SMOX: variants seen among roughly 807,000 people sequenced by gnomAD.
The protein encoded by SMOX is spermine oxidase.
A neutral mutation model predicts 51.0 loss-of-function variants in SMOX; 22 were observed. The ratio of observed to expected loss-of-function variants is 0.43; its 90% CI spans 0.31 to 0.62. The LOEUF (loss-of-function observed/expected upper bound fraction) is 0.62. Ranked by LOEUF, SMOX falls within the 20% of genes least tolerant of loss-of-function variation. The probability of loss-of-function intolerance (pLI) is 0.10; values close to 1 mark genes in which losing one functional copy is unlikely to be tolerated. For missense variants in SMOX, 566 were observed against 777.7 expected (o/e 0.73, Z 3.24); for synonymous variants, 282 against 307.8 (o/e 0.92, Z 0.88).
At chr20:4,178,964 T>G (rs1283653479) in intron 3 of SMOX, among the ~76,000 whole-genome samples, 1 of 152,200 alleles carries the variant, frequency 6.6e-6, no homozygotes. Flanking sequence ...ATTACAAGCG[T>G]GAGCCACCTC....
In SMOX at chr20:4,166,717, C is replaced by CG. The variant is rs557555252; in HGVS notation, c.-26-8308dup. On this transcript the variant is annotated intron_variant, in intron 1 of 6. Coordinates refer to ENST00000305958, the MANE Select transcript of SMOX (RefSeq NM_175839.3). This position sits in a 1 kb window ranked among gnomAD's most constrained non-coding sequence, Gnocchi z 4.2. ...ATGGCCCCAGAGTGCTCACCTCTCC[C>CG]GGGGGCCTCCCGCTCTTGCCTCCCA... Among the ~76,000 whole-genome samples the CG allele has an allele frequency of 7.2e-5, 11 of 152,318 alleles. 1 individual carries two copies. Among genetic ancestry groups the CG allele is most frequent in the African/African-American group, 2.6e-4 (11 of 41,566 alleles).
At chr20:4,186,028 A>G (rs1490953620) in intron 6 of SMOX, among the ~76,000 whole-genome samples, 1 of 152,200 alleles carries the variant, frequency 6.6e-6, no homozygotes, top group African/African-American at 2.4e-5. Flanking sequence ...CTGGCCAGGG[A>G]TGCAGGCTCC....
rs1232872923 is a variant in SMOX, at chr20:4,150,825, T to C, written c.-27+1848T>C. Reference sequence around the variant, plus strand: ...AGTGAATCGCCCATCATCTACTCACTTTTTTTTTTTTTTTTTTTTCTTTGA... The same window carrying C: ...AGTGAATCGCCCATCATCTACTCACCTTTTTTTTTTTTTTTTTTTCTTTGA... On this transcript the variant is annotated intron_variant, in intron 1 of 6. Transcript: ENST00000305958. 1.2e-4 allele frequency among the ~76,000 whole-genome samples: 6 copies of C among 48,476 alleles called. No individual in the cohort carries two copies. In the South Asian group the frequency reaches 2.3e-3, roughly 19 times the overall value. The allele number at this position is 48,476 out of a possible 152,430, so 31.8% of individuals were successfully genotyped here. A position where few individuals can be genotyped will look rare whatever the true frequency, so the allele number is the denominator to read the frequency against.
At position 4,182,868 on chromosome 20, in the gene SMOX, A is replaced by G; in HGVS notation, c.1369+20A>G. The G allele has an allele frequency of 1.9e-6, 3 of 1,588,730 alleles. No homozygotes were observed. The African/African-American group carries it at 4.0e-5, about 21-fold the overall frequency. On this transcript the variant is annotated intron_variant, in intron 5 of 6. Coordinates refer to ENST00000305958, the MANE Select transcript of SMOX (RefSeq NM_175839.3). The surrounding 1 kb of genome is among the most constrained non-coding windows in gnomAD (Gnocchi z 8.4). ...TCACAGGTGCGCCACGTGCCCCACG[A>G]CCCGCTTCCCCCACCCTGCTTCTTC...
chr20:4,187,366 C>G lies in SMOX; in HGVS notation c.1627C>G (p.Leu543Val). The G allele has an allele frequency of 6.2e-7, 1 of 1,614,228 alleles. No homozygotes were observed. The highest frequency in any genetic ancestry group is 2.2e-5 in the East Asian group (1 of 44,884). ...GTCCGGCCAGCGTGAGGCTGCCCGC[C>G]TCATTGAGATGTACCGAGACCTCTT... ...LLSGQREAARLIEMYRDLFQQ... is the reference protein window; with the variant it reads ...LLSGQREAARVIEMYRDLFQQ... Residue 543 changes from leucine (L) to valine (V), a missense_variant, in exon 7 of 7, where the codon CTC becomes GTC. Leu to Val is a conservative substitution (Grantham distance 32). This residue lies in a region of SMOX where 347 missense variants were observed against 481.8 expected (regional missense o/e 0.72). Transcript: ENST00000305958. This position sits in a 1 kb window ranked among gnomAD's most constrained non-coding sequence, Gnocchi z 4.8.
Position 4,149,490 on chromosome 20 carries a change from G to C in SMOX, c.-27+513G>C, listed in dbSNP as rs1333630480. On this transcript the variant is annotated intron_variant, in intron 1 of 6. Coordinates refer to ENST00000305958, the MANE Select transcript of SMOX (RefSeq NM_175839.3). The surrounding 1 kb of genome is among the most constrained non-coding windows in gnomAD (Gnocchi z 6.0). ...GAGGCTGTGCTGACTTCCCCCTCTGGGCTCCGGGCGTCCGGGTGGTCCCCT... is the reference window on the plus strand; with the variant it reads ...GAGGCTGTGCTGACTTCCCCCTCTGCGCTCCGGGCGTCCGGGTGGTCCCCT... Among the ~76,000 whole-genome samples, 1 of 151,934 alleles carries C rather than the reference G, an allele frequency of 6.6e-6. No individual in the cohort carries two copies. The highest frequency in any genetic ancestry group is 1.5e-5 in the Non-Finnish European group (1 of 67,910).
chr20:4,176,629 T>C (rs1978876228), intron 2 of SMOX, among the ~76,000 whole-genome samples: 1 of 152,086 alleles, frequency 6.6e-6, no homozygotes, highest in African/African-American at 2.4e-5. Context: ...TTCTGCAGCA[T>C]CAGAAGAAGA....
chr20:4,150,970 T>G (rs1600789209), intron 1 of SMOX, among the ~76,000 whole-genome samples: 1 of 152,222 alleles, frequency 6.6e-6, no homozygotes, highest in African/African-American at 2.4e-5. Context: ...TAGCTGAGAT[T>G]ACAGGCATGC....
At position 4,182,897 on chromosome 20, in the gene SMOX, A is replaced by C. The variant is rs746405013; in HGVS notation, c.1369+49A>C. On this transcript the variant is annotated intron_variant, in intron 5 of 6. Coordinates refer to ENST00000305958, the MANE Select transcript of SMOX (RefSeq NM_175839.3). This position sits in a 1 kb window ranked among gnomAD's most constrained non-coding sequence, Gnocchi z 8.4. ...GCTTCCCCCACCCTGCTTCTTCCTC[A>C]CCTGCCCTCCTCTGGTGGACCCATG... The C allele has an allele frequency of 6.4e-7, 1 of 1,560,250 alleles. No homozygotes were observed.
At chr20:4,179,965 G>A (rs1979198243) in intron 3 of SMOX, among the ~76,000 whole-genome samples, 1 of 152,212 alleles carries the variant, frequency 6.6e-6, no homozygotes, top group Admixed American at 6.5e-5. Flanking sequence ...GCCCTCGTTG[G>A]TGGCTGATGC....
At chr20:4,152,769 A>G (rs530246862) in intron 1 of SMOX, among the ~76,000 whole-genome samples, 3 of 152,364 alleles carry the variant, frequency 2.0e-5, no homozygotes, top group South Asian at 4.1e-4. Flanking sequence ...TAACAGCTCT[A>G]TAAGGTAGGT....
rs913070345 is a variant in SMOX, at chr20:4,172,715, C to T, written c.-26-2315C>T. Among the ~76,000 whole-genome samples, 2 of 151,082 alleles carry T rather than the reference C, an allele frequency of 1.3e-5. No homozygotes were observed. The highest frequency in any genetic ancestry group is 4.9e-5 in the African/African-American group (2 of 41,100). On this transcript the variant is annotated intron_variant, in intron 1 of 6. Coordinates refer to ENST00000305958, the MANE Select transcript of SMOX (RefSeq NM_175839.3). The surrounding 1 kb of genome is among the most constrained non-coding windows in gnomAD (Gnocchi z 7.7). ...GCTCCGGGTCTCGGGCGCCACCTAC[C>T]GGCCCTTTTGGGAACCGATTCTGCA...
chr20:4,166,823 C>T lies in SMOX; in HGVS notation c.-26-8207C>T, dbSNP rs1986590769. Among the ~76,000 whole-genome samples the T allele has an allele frequency of 6.6e-6, 1 of 152,190 alleles. No individual in the cohort carries two copies. Among genetic ancestry groups the T allele is most frequent in the South Asian group, 2.1e-4 (1 of 4,830 alleles). ...TGCTTCTCCTTGCAACACATGCCTG[C>T]CAAGGCCCCCTGGCTCCCTTCTTCT... is the stretch of plus-strand genomic sequence containing the variant. On this transcript the variant is annotated intron_variant, in intron 1 of 6. Coordinates refer to ENST00000305958, the MANE Select transcript of SMOX (RefSeq NM_175839.3). The surrounding 1 kb of genome is among the most constrained non-coding windows in gnomAD (Gnocchi z 4.2).
intron 1 of SMOX, among the ~76,000 whole-genome samples, chr20:4,157,287 G>T (rs1017997718): frequency 1.3e-5 from 2 of 152,162 alleles, no homozygotes; most frequent in African/African-American, 4.8e-5. Flanking sequence ...TACTGGATTT[G>T]ACATGGCTGG....
intron 2 of SMOX, among the ~76,000 whole-genome samples, chr20:4,176,581 CTAGG>C (rs1184295250): frequency 1.3e-5 from 2 of 152,204 alleles, no homozygotes; most frequent in African/African-American, 2.4e-5. Context: ...TCCCTGGGAG[CTAGG>C]TAGGGATGGG....
chr20:4,169,690 C>T (rs1340257899), intron 1 of SMOX, among the ~76,000 whole-genome samples: 2 of 152,104 alleles, frequency 1.3e-5, no homozygotes, highest in East Asian at 3.8e-4. Context: ...GGTGACAGTG[C>T]AGAACCAGTA....
intron 1 of SMOX, among the ~76,000 whole-genome samples, chr20:4,160,665 T>C (rs984857129): frequency 1.3e-5 from 2 of 152,252 alleles, no homozygotes; most frequent in African/African-American, 4.8e-5. Context: ...TTTCCTTTTT[T>C]CGTTTTGTGA....
intron 1 of SMOX, among the ~76,000 whole-genome samples, chr20:4,159,977 C>T (rs1305881099): frequency 6.6e-6 from 1 of 152,156 alleles, no homozygotes; most frequent in African/African-American, 2.4e-5. Context: ...AGGTCTCGGG[C>T]CAGTGATCGA....
chr20:4,154,340 G>A (rs2122370099), intron 1 of SMOX, among the ~76,000 whole-genome samples: 1 of 152,246 alleles, frequency 6.6e-6, no homozygotes, highest in East Asian at 1.9e-4. Context: ...GATTCACCAG[G>A]TCTGGGGTGA....
Sources: allele counts gnomAD v4.1 joint callset (sites outside exome capture counted in the v4.1 genomes callset), GRCh38; gene constraint gnomAD v4.1.1; regional missense constraint gnomAD v4.1.1; non-coding constraint Gnocchi (gnomAD v3.1); transcripts MANE v1.5; gene names NCBI Gene and HGNC (gene_info 2026-07-23, HGNC 2026-07-21).